ADSS1: variants seen among roughly 807,000 people sequenced by gnomAD.
ADSS1 encodes adenylosuccinate synthase 1, also known as adenylosuccinate synthetase isozyme 1.
ADSS1 carries 57 observed loss-of-function variants against 59.1 expected under a neutral mutation model. That is an observed-to-expected ratio of 0.97 (90% CI 0.78 to 1.20). The LOEUF (loss-of-function observed/expected upper bound fraction) is 1.20, where lower values mean the gene tolerates loss of function less well. Ranked by LOEUF, ADSS1 falls within the 50% of genes most tolerant of loss-of-function variation. The pLI is 0.00. For missense variants in ADSS1, 603 were observed against 610.3 expected (o/e 0.99, Z 0.13); for synonymous variants, 247 against 249.4 (o/e 0.99, Z 0.09).
chr14:104,740,466 C>G lies in ADSS1; in HGVS notation c.477-135C>G, dbSNP rs544818277. The G allele has an allele frequency of 2.6e-6, 2 of 765,514 alleles. No homozygotes were observed. The highest frequency in any genetic ancestry group is 1.7e-5 in the African/African-American group (1 of 57,230). The allele number at this position is 765,514 out of a possible 1,614,324, so 47.4% of individuals were successfully genotyped here. On this transcript the variant is annotated intron_variant, in intron 5 of 12. Transcript: ENST00000330877. This position sits in a 1 kb window ranked among gnomAD's most constrained non-coding sequence, Gnocchi z 4.8. ...GTGCGTACACCCACACACGCACACA[C>G]TCACAGCTCAGCCAGACACAGGCAG...
intron 1 of ADSS1, chr14:104,730,233 T>A: frequency 2.7e-6 from 4 of 1,476,912 alleles, no homozygotes; most frequent in Non-Finnish European, 3.6e-6. Flanking sequence ...GTGGCGTACA[T>A]CTGTAACTCC....
At chr14:104,728,434 G>A (rs750917413) in intron 1 of ADSS1, among the ~76,000 whole-genome samples, 4 of 152,116 alleles carry the variant, frequency 2.6e-5, no homozygotes, top group Non-Finnish European at 4.4e-5. Context: ...CAGTGACCTC[G>A]GTTCTGTCCC....
chr14:104,741,372 A>C (rs558054502), intron 8 of ADSS1, 129 bp downstream of exon 8: 6 of 1,246,098 alleles, frequency 4.8e-6, no homozygotes, highest in Non-Finnish European at 1.1e-6. Context: ...AGTGCCATCC[A>C]TGCCCGCGGA....
chr14:104,731,730 G>A (rs1267515140), intron 1 of ADSS1, among the ~76,000 whole-genome samples: 1 of 152,214 alleles, frequency 6.6e-6, no homozygotes, highest in Non-Finnish European at 1.5e-5. Flanking sequence ...GCACACACTC[G>A]CCCTGGCTCT....
intron 2 of ADSS1, chr14:104,737,294 A>G (rs1891171183): frequency 6.6e-6 from 1 of 151,994 alleles, no homozygotes; most frequent in Non-Finnish European, 1.5e-5. Context: ...CTGTCTCCTC[A>G]GTTTTGCCTT....
At chr14:104,731,361 C>T (rs930015028) in intron 1 of ADSS1, among the ~76,000 whole-genome samples, 13 of 152,234 alleles carry the variant, frequency 8.5e-5, no homozygotes, top group Non-Finnish European at 1.3e-4. Flanking sequence ...TAGAGTTGTG[C>T]AGTGTGCAAC....
chr14:104,733,332 G>A (rs1256452704), intron 1 of ADSS1, among the ~76,000 whole-genome samples: 3 of 152,232 alleles, frequency 2.0e-5, no homozygotes, highest in African/African-American at 4.8e-5. Flanking sequence ...CTGCGAAGGG[G>A]CTTCAGGGCT....
chr14:104,743,793 C>T (rs1052491150), intron 10 of ADSS1, among the ~76,000 whole-genome samples: 15 of 152,230 alleles, frequency 9.9e-5, no homozygotes, highest in Non-Finnish European at 1.6e-4. Context: ...AGAGCTAATC[C>T]GGCAACGGGA....
At chr14:104,739,009 C>T (rs1891228674) in intron 3 of ADSS1, among the ~76,000 whole-genome samples, 1 of 152,240 alleles carries the variant, frequency 6.6e-6, no homozygotes, top group Non-Finnish European at 1.5e-5. Context: ...AGGTCACCTT[C>T]AGAGTGGCAG....
In ADSS1 at chr14:104,727,290, G is replaced by A. The variant is rs143984015; in HGVS notation, c.192+2828G>A. Among the ~76,000 whole-genome samples, 537 of 152,210 alleles carry A rather than the reference G, an allele frequency of 3.5e-3. 8 individuals carry two copies. Among genetic ancestry groups the A allele is most frequent in the Admixed American group, 0.031 (467 of 15,308 alleles). On this transcript the variant is annotated intron_variant, in intron 1 of 12. Transcript: ENST00000330877. ...CTGGGCGGCCTCCCTTCTCCAGGCT[G>A]AGCCTACATTTTGCATCCCCCACCT...
At chr14:104,742,458 C>G (rs1432290666) in intron 9 of ADSS1, among the ~76,000 whole-genome samples, 1 of 152,262 alleles carries the variant, frequency 6.6e-6, no homozygotes, top group Non-Finnish European at 1.5e-5. Context: ...CCCCACAACC[C>G]TGCCCAGCTC....
Position 104,724,276 on chromosome 14 carries a change from G to A in ADSS1, c.6G>A (p.Ser2=), listed in dbSNP as rs1890654116. The A allele has an allele frequency of 1.6e-6, 2 of 1,229,516 alleles. No homozygotes were observed. Among genetic ancestry groups the A allele is most frequent in the Non-Finnish European group, 2.0e-6 (2 of 985,074 alleles). The allele number at this position is 1,229,516 out of a possible 1,614,324, so 76.2% of individuals were successfully genotyped here. Residue 2 remains serine, a synonymous_variant, in exon 1 of 13, where the codon TCG becomes TCA. Coordinates refer to ENST00000330877, the MANE Select transcript of ADSS1 (RefSeq NM_152328.5). ...AGCGGAAGAGCCAAGCCAGCATGTC[G>A]GGGACCCGAGCCTCCAACGACCGGC... M[S]GTRASNDRPP...
Position 104,746,233 on chromosome 14 carries a change from C to T in ADSS1, c.1172-3C>T, listed in dbSNP as rs374399631. The T allele has an allele frequency of 3.7e-6, 6 of 1,605,598 alleles. No individual in the cohort carries two copies. In the African/African-American group the frequency reaches 8.0e-5, roughly 21 times the overall value. Reference sequence around the variant, plus strand: ...CCACTCATCTCCTGTGTGCTTCCCCCAGCTAACCAGGAGATGCTTCAGAAG... The same window carrying T: ...CCACTCATCTCCTGTGTGCTTCCCCTAGCTAACCAGGAGATGCTTCAGAAG... On this transcript the variant is annotated splice_polypyrimidine_tract_variant and splice_region_variant and intron_variant, in intron 11 of 12. Coordinates refer to ENST00000330877, the MANE Select transcript of ADSS1 (RefSeq NM_152328.5).
At chr14:104,728,294 C>A (rs1321135002) in intron 1 of ADSS1, among the ~76,000 whole-genome samples, 1 of 152,122 alleles carries the variant, frequency 6.6e-6, no homozygotes, top group African/African-American at 2.4e-5. Flanking sequence ...CCCCCTACCC[C>A]ACCTCTGCAC....
At chr14:104,741,052 T>C (rs1253992047) in intron 7 of ADSS1, 65 bp from the exon 8 acceptor site, 3 of 1,586,096 alleles carry the variant, frequency 1.9e-6, no homozygotes, top group Middle Eastern at 1.7e-4. Flanking sequence ...GCCAACCTTC[T>C]TGGGACGCAG....
chr14:104,724,847 C>T (rs895466478), intron 1 of ADSS1, among the ~76,000 whole-genome samples: 5 of 152,130 alleles, frequency 3.3e-5, no homozygotes, highest in Non-Finnish European at 5.9e-5. Flanking sequence ...CCCAAGACAC[C>T]CCCCTTCCTC....
At chr14:104,732,409 T>C (rs1025642019) in intron 1 of ADSS1, among the ~76,000 whole-genome samples, 2 of 152,134 alleles carry the variant, frequency 1.3e-5, no homozygotes, top group African/African-American at 4.8e-5. Flanking sequence ...GAGGACAGAC[T>C]GGTGTCTCTC....
rs775459928 is a variant in ADSS1 at position 104,735,068 on chromosome 14, G to A, written c.241G>A (p.Asp81Asn). The A allele has an allele frequency of 3.4e-5, 55 of 1,613,464 alleles. No individual in the cohort carries two copies. The highest frequency in any genetic ancestry group is 3.9e-5 in the Non-Finnish European group (46 of 1,179,776). Residue 81 changes from aspartate to asparagine, a missense_variant, in exon 2 of 13, where the codon GAC becomes AAC. Physicochemically the swap from Asp to Asn is conservative, Grantham distance 23 (BLOSUM62 1). Transcript: ENST00000330877. ...GGTGGTGGTGGATGGGAAAGAGTAC[G>A]ACTTCCACCTGCTGCCCAGCGGCAT... ...HTVVVDGKEYDFHLLPSGIIN... is the reference protein window; with the variant it reads ...HTVVVDGKEYNFHLLPSGIIN...
At chr14:104,742,574 C>CA (rs1891405342) in intron 9 of ADSS1, among the ~76,000 whole-genome samples, 1 of 152,250 alleles carries the variant, frequency 6.6e-6, no homozygotes, top group Non-Finnish European at 1.5e-5. Context: ...AGGGCAAGGA[C>CA]ATGGCCCTTG....
Sources: gnomAD v4.1 joint callset for allele counts (sites outside exome capture counted in the v4.1 genomes callset) on GRCh38, gnomAD v4.1.1 for gene constraint, Gnocchi (gnomAD v3.1) non-coding constraint, MANE v1.5 for transcripts, NCBI Gene and HGNC (gene_info 2026-07-23, HGNC 2026-07-21) for gene names.